PTPRD: variants seen among roughly 807,000 people sequenced by gnomAD.
PTPRD encodes receptor-type tyrosine-protein phosphatase delta.
In PTPRD, 34 loss-of-function variants were observed where a neutral mutation model predicts 214.5. The observed-to-expected ratio is 0.16, with a 90% CI of 0.12 to 0.21. The LOEUF (loss-of-function observed/expected upper bound fraction) is 0.21, where lower values mean the gene tolerates loss of function less well. PTPRD is among the 10% of genes least tolerant of loss of function. PTPRD has a pLI of 1.00. For synonymous variants in PTPRD, 1,128 were observed against 845.7 expected, an observed-to-expected ratio of 1.33 and a Z score of -5.79; for missense variants, 2,545 against 2,398.7, an observed-to-expected ratio of 1.06 and a Z score of -1.27.
intron 2 of PTPRD, among the ~76,000 whole-genome samples, chr9:10,601,790 T>G (rs2078039776): frequency 6.6e-6 from 1 of 151,750 alleles, no homozygotes; most frequent in South Asian, 2.1e-4. Flanking sequence ...AGTTTAGCAG[T>G]TCCATGAAGG....
chr9:8,747,748 C>T (rs868320349), intron 11 of PTPRD, among the ~76,000 whole-genome samples: 1 of 152,104 alleles, frequency 6.6e-6, no homozygotes, highest in Admixed American at 6.5e-5. Flanking sequence ...TTACTTAAAA[C>T]CCTTCACCAA....
chr9:9,887,612 T>C (rs1242454933), intron 5 of PTPRD, among the ~76,000 whole-genome samples: 1 of 152,158 alleles, frequency 6.6e-6, no homozygotes. Flanking sequence ...CAGTGTACCA[T>C]GTACTCAGAC....
At chr9:8,713,622 C>T (rs561917963) in intron 12 of PTPRD, 4 of 1,533,762 alleles carry the variant, frequency 2.6e-6, no homozygotes, top group East Asian at 2.2e-5. Flanking sequence ...CCACCGCGGG[C>T]GCTGTCACCC....
intron 5 of PTPRD, among the ~76,000 whole-genome samples, chr9:9,894,221 C>T (rs1294056210): frequency 6.6e-6 from 1 of 152,040 alleles, no homozygotes; most frequent in Admixed American, 6.6e-5. Context: ...GTCTCTCTGC[C>T]TCTGTTATGG....
chr9:9,208,021 T>C (rs999121308), intron 9 of PTPRD, among the ~76,000 whole-genome samples: 1 of 74,420 alleles, frequency 1.3e-5, no homozygotes, highest in Non-Finnish European at 2.5e-5. Flanking sequence ...ATATATCTGC[T>C]TTTTTTTTTT....
At chr9:9,041,293 A>T (rs10739182) in intron 10 of PTPRD, among the ~76,000 whole-genome samples, 1 of 151,742 alleles carries the variant, frequency 6.6e-6, no homozygotes, top group Non-Finnish European at 1.5e-5. Flanking sequence ...GGTTTACTGT[A>T]CAGATTATTT....
At chr9:9,777,778 G>GT (rs917549653) in intron 5 of PTPRD, among the ~76,000 whole-genome samples, 15 of 151,806 alleles carry the variant, frequency 9.9e-5, no homozygotes, top group East Asian at 1.9e-4. Flanking sequence ...GGTTTTAATG[G>GT]TTTTTTTTGT....
chr9:9,728,167 A>G (rs938685947), intron 7 of PTPRD, among the ~76,000 whole-genome samples: 1 of 151,266 alleles, frequency 6.6e-6, no homozygotes, highest in East Asian at 1.9e-4. Context: ...TGATTGTGAG[A>G]CTCCCCCAGC....
At chr9:8,423,201 A>G (rs1423353406) in intron 35 of PTPRD, among the ~76,000 whole-genome samples, 1 of 152,192 alleles carries the variant, frequency 6.6e-6, no homozygotes, top group Non-Finnish European at 1.5e-5. Flanking sequence ...CAATCACCTA[A>G]ATTATGTTTG....
chr9:10,578,349 T>A (rs1197747887), intron 2 of PTPRD, among the ~76,000 whole-genome samples: 1 of 152,140 alleles, frequency 6.6e-6, no homozygotes, highest in Non-Finnish European at 1.5e-5. Context: ...ACCAGTAAAA[T>A]TCATACTTAT....
At chr9:8,527,092 A>C (rs974385282) in intron 16 of PTPRD, among the ~76,000 whole-genome samples, 1 of 152,000 alleles carries the variant, frequency 6.6e-6, no homozygotes, top group Admixed American at 6.6e-5. Context: ...GGAAACAAAC[A>C]TTGTTGATTG....
intron 11 of PTPRD, among the ~76,000 whole-genome samples, chr9:8,868,822 G>A (rs531061843): frequency 2.4e-4 from 36 of 151,984 alleles, no homozygotes; most frequent in Non-Finnish European, 4.6e-4. Context: ...CATTCATCCC[G>A]CTGCTCATTC....
At chr9:8,744,456 A>G (rs1170449625) in intron 11 of PTPRD, among the ~76,000 whole-genome samples, 1 of 152,264 alleles carries the variant, frequency 6.6e-6, no homozygotes, top group Non-Finnish European at 1.5e-5. Flanking sequence ...ACCACGGAAT[A>G]TGACTAAGCC....
intron 4 of PTPRD, among the ~76,000 whole-genome samples, chr9:9,976,904 T>C (rs144442868): frequency 6.6e-6 from 1 of 151,956 alleles, no homozygotes; most frequent in African/African-American, 2.4e-5. Flanking sequence ...CAAATTTGAT[T>C]TGGCGATTGG....
At chr9:8,415,866 G>C (rs961062763) in intron 35 of PTPRD, among the ~76,000 whole-genome samples, 3 of 151,788 alleles carry the variant, frequency 2.0e-5, no homozygotes, top group African/African-American at 7.3e-5. Context: ...GAGGTTTCCA[G>C]AAAACAGATC....
chr9:9,294,416 G>A (rs928970041), intron 9 of PTPRD, among the ~76,000 whole-genome samples: 1 of 151,600 alleles, frequency 6.6e-6, no homozygotes, highest in Non-Finnish European at 1.5e-5. Context: ...TCCTTGTTAT[G>A]GATTGAATAA....
intron 2 of PTPRD, among the ~76,000 whole-genome samples, chr9:10,342,857 G>A (rs901881801): frequency 6.6e-6 from 1 of 152,064 alleles, no homozygotes; most frequent in Non-Finnish European, 1.5e-5. Context: ...TGTCCATCCA[G>A]AGATTAAATA....
intron 11 of PTPRD, among the ~76,000 whole-genome samples, chr9:8,939,132 G>A (rs1447872151): frequency 2.6e-5 from 4 of 152,102 alleles, no homozygotes; most frequent in Non-Finnish European, 5.9e-5. Flanking sequence ...ATCTCTTAAT[G>A]AGAATGATAA....
chr9:9,563,386 G>A (rs1300284146), intron 8 of PTPRD, among the ~76,000 whole-genome samples: 4 of 152,070 alleles, frequency 2.6e-5, no homozygotes, highest in African/African-American at 9.7e-5. Flanking sequence ...TTACCTTATT[G>A]TCATGATCAT....
Sources: allele counts gnomAD v4.1 joint callset (sites outside exome capture counted in the v4.1 genomes callset), GRCh38; gene constraint gnomAD v4.1.1; transcripts MANE v1.5; gene names NCBI Gene and HGNC (gene_info 2026-07-23, HGNC 2026-07-21).